Variants in KNDC1 observed in about 807,000 individuals in gnomAD.
The protein encoded by KNDC1 is kinase non-catalytic C-lobe domain containing 1, also known as kinase non-catalytic C-lobe domain-containing protein 1.
A neutral mutation model predicts 172.8 loss-of-function variants in KNDC1; 106 were observed. The ratio of observed to expected loss-of-function variants is 0.61; its 90% CI spans 0.52 to 0.72. The LOEUF (loss-of-function observed/expected upper bound fraction) is 0.72, where lower values mean the gene tolerates loss of function less well. KNDC1 is among the 30% of genes least tolerant of loss of function. The pLI, the probability that KNDC1 is intolerant of heterozygous loss-of-function variation, is 0.00. For synonymous variants in KNDC1, 1,083 were observed against 1,062.2 expected, an observed-to-expected ratio of 1.02 and a Z score of -0.38; for missense variants, 2,325 against 2,394.5, an observed-to-expected ratio of 0.97 and a Z score of 0.61.
At position 133,211,871 on chromosome 10, in the gene KNDC1, C is replaced by T. The variant is rs1845374889; in HGVS notation, c.4236+13C>T. On this transcript the variant is annotated intron_variant, in intron 23 of 29. Coordinates refer to ENST00000304613, the MANE Select transcript of KNDC1 (RefSeq NM_152643.8). ...CATCTCCAGGAAGGTGGGGTCCTTT[C>T]TCAGGGGAGGTCCTCCCTGGACAGG... The T allele has an allele frequency of 1.1e-5, 17 of 1,599,926 alleles. No homozygotes were observed. The highest frequency in any genetic ancestry group is 1.4e-5 in the Non-Finnish European group (17 of 1,177,128).
Position 133,207,360 on chromosome 10 carries a change from G to C in KNDC1, c.3794+9G>C, listed in dbSNP as rs752510014. ...GCCTACCTGTACTCCAGGTGCGTTG[G>C]GAGAAAAGCTCACCCGGAAAAGGAG... On this transcript the variant is annotated intron_variant, in intron 20 of 29. Transcript: ENST00000304613. 3.0e-5 allele frequency: 48 copies of C among 1,610,854 alleles called. 1 individual carries two copies. In the South Asian group the frequency reaches 5.1e-4, roughly 17 times the overall value.
chr10:133,165,273 T>A (rs1853112043), intron 1 of KNDC1, among the ~76,000 whole-genome samples: 1 of 152,146 alleles, frequency 6.6e-6, no homozygotes, highest in African/African-American at 2.4e-5. Flanking sequence ...GGTGTCCGGC[T>A]TCCCTGAGGG....
Position 133,176,576 on chromosome 10 carries a change from C to T in KNDC1, c.361-6768C>T, listed in dbSNP as rs144692943. On this transcript the variant is annotated intron_variant, in intron 3 of 29. Coordinates refer to ENST00000304613, the MANE Select transcript of KNDC1 (RefSeq NM_152643.8). ...TCAAACCTCTGGTCCATACTTTTGCCTCCACATCTTTGCCCAGGTTGCTCC... is the reference window on the plus strand; with the variant it reads ...TCAAACCTCTGGTCCATACTTTTGCTTCCACATCTTTGCCCAGGTTGCTCC... Among the ~76,000 whole-genome samples the T allele has an allele frequency of 4.0e-3, 605 of 152,302 alleles. 2 individuals carry two copies. The highest frequency in any genetic ancestry group is 0.013 in the African/African-American group (560 of 41,558).
intron 22 of KNDC1, 24 bp downstream of exon 22, chr10:133,211,593 G>A (rs369468687): frequency 2.2e-5 from 36 of 1,606,658 alleles, no homozygotes; most frequent in African/African-American, 2.1e-4. Flanking sequence ...TGAGCTGGGC[G>A]GCCGCACCCG....
At chr10:133,191,957 G>A (rs978554848) in intron 9 of KNDC1, among the ~76,000 whole-genome samples, 21 of 152,196 alleles carry the variant, frequency 1.4e-4, no homozygotes, top group African/African-American at 4.3e-4. Context: ...TCCCTGCAGC[G>A]TGTCCTGCAA....
At chr10:133,219,781 T>G (rs754922785) in intron 28 of KNDC1, among the ~76,000 whole-genome samples, 174 bp from the exon 29 acceptor site, 5 of 152,174 alleles carry the variant, frequency 3.3e-5, no homozygotes, top group Admixed American at 1.3e-4. Context: ...GTGAGCCAAG[T>G]CCAACCATCC....
Position 133,168,471 on chromosome 10 carries a change from G to T in KNDC1, c.360+159G>T, listed in dbSNP as rs115627040. ...CCCGGTTCACTGGGCTATAGGGACGGCCTCTGGGGCACACCCGGCTTCGTC... is the reference window on the plus strand; with the variant it reads ...CCCGGTTCACTGGGCTATAGGGACGTCCTCTGGGGCACACCCGGCTTCGTC... On this transcript the variant is annotated intron_variant, in intron 3 of 29. Transcript: ENST00000304613. 8.6e-3 allele frequency among the ~76,000 whole-genome samples: 1,312 copies of T among 152,252 alleles called. 20 individuals carry two copies. Among genetic ancestry groups the T allele is most frequent in the African/African-American group, 0.03 (1,241 of 41,528 alleles).
chr10:133,203,655 TTAA>T (rs1330405341), intron 17 of KNDC1, among the ~76,000 whole-genome samples: 1 of 152,148 alleles, frequency 6.6e-6, no homozygotes, highest in Non-Finnish European at 1.5e-5. Context: ...TCTCCTGCTG[TTAA>T]AACAAGCGTG....
At position 133,207,316 on chromosome 10, in the gene KNDC1, C is replaced by T. The variant is rs1198223362; in HGVS notation, c.3759C>T (p.Gly1253=). Residue 1253 remains glycine, a synonymous_variant, in exon 20 of 30, where the codon GGC becomes GGT. Transcript: ENST00000304613. The stretch of plus-strand genomic sequence containing the variant: ...AGAAGGCCCGCATCCTGCAGGCCGG[C>T]ACGCCGCTGGGGCTCATGGCCTACC... ...GRQKARILQA[G]TPLGLMAYLY... is the part of the protein sequence containing the mutation. The T allele has an allele frequency of 1.2e-6, 2 of 1,612,682 alleles. No individual in the cohort carries two copies. Among genetic ancestry groups the T allele is most frequent in the African/African-American group, 2.7e-5 (2 of 74,932 alleles).
At chr10:133,181,956 T>G (rs1167252456) in intron 3 of KNDC1, among the ~76,000 whole-genome samples, 1 of 152,192 alleles carries the variant, frequency 6.6e-6, no homozygotes, top group African/African-American at 2.4e-5. Flanking sequence ...TCTGTGACAC[T>G]TTCTGTCTTG....
intron 26 of KNDC1, among the ~76,000 whole-genome samples, chr10:133,217,017 G>A (rs930338178): frequency 3.9e-5 from 6 of 152,266 alleles, no homozygotes. Context: ...GGCGCCGGGG[G>A]CTGGGAGTGG....
At chr10:133,190,339 CACCCTGCACTAAGCACCCTGCACT>C (rs1188214161) in intron 9 of KNDC1, among the ~76,000 whole-genome samples, 1 of 59,494 alleles carries the variant, frequency 1.7e-5, no homozygotes, top group Non-Finnish European at 5.0e-5. Flanking sequence ...CTGCACTAAA[CACCCTGCACTAAGCACCCTGCACT>C]AAACAAACAC....
intron 23 of KNDC1, 131 bp downstream of exon 23, chr10:133,211,989 A>ACACGTCTATGTGTATGCATG: frequency 1.2e-6 from 1 of 823,034 alleles, no homozygotes; most frequent in Non-Finnish European, 1.9e-6. Context: ...GTATACATGC[A>ACACGTCTATGTGTATGCATG]TACACATAGA....
rs903406909 is a variant in KNDC1 at position 133,226,018 on chromosome 10, T to C, written c.*1128T>C. 9 of 152,254 alleles carry C rather than the reference T, an allele frequency of 5.9e-5. 1 individual carries two copies. The highest frequency in any genetic ancestry group is 4.1e-4 in the South Asian group (2 of 4,834). 9.4% of individuals were successfully genotyped at this position (152,254 alleles called of 1,614,324 possible). ...GACCCAGGGTTGTGCTTTTGAGTTTTAGAATTAGTCATTCTTTAGAGCAGC... is the reference window on the plus strand; with the variant it reads ...GACCCAGGGTTGTGCTTTTGAGTTTCAGAATTAGTCATTCTTTAGAGCAGC... On this transcript the variant is annotated 3_prime_UTR_variant, in exon 30 of 30. Transcript: ENST00000304613.
At chr10:133,174,504 C>A (rs1853469514) in intron 3 of KNDC1, among the ~76,000 whole-genome samples, 1 of 152,150 alleles carries the variant, frequency 6.6e-6, no homozygotes, top group African/African-American at 2.4e-5. Context: ...CAATAACTAA[C>A]CAGAAGGTTA....
At chr10:133,199,311 A>G in intron 14 of KNDC1, 45 bp downstream of exon 14, 1 of 1,543,150 alleles carries the variant, frequency 6.5e-7, no homozygotes, top group Non-Finnish European at 8.7e-7. Context: ...CGGGCCAGGG[A>G]GAGCCCCACA....
At chr10:133,181,590 G>A (rs998762323) in intron 3 of KNDC1, among the ~76,000 whole-genome samples, 1 of 152,212 alleles carries the variant, frequency 6.6e-6, no homozygotes, top group South Asian at 2.1e-4. Flanking sequence ...CAGGGTGCAG[G>A]AGGGAGAGGG....
chr10:133,222,093 C>T (rs1354382622), intron 29 of KNDC1, among the ~76,000 whole-genome samples: 1 of 149,938 alleles, frequency 6.7e-6, no homozygotes, highest in Non-Finnish European at 1.5e-5. Flanking sequence ...ACCAGCCTGG[C>T]CAACATGGTG....
chr10:133,193,464 G>A (rs1854112426), intron 9 of KNDC1, among the ~76,000 whole-genome samples: 1 of 152,188 alleles, frequency 6.6e-6, no homozygotes, highest in African/African-American at 2.4e-5. Context: ...GGTGGAGGCT[G>A]CAGTGAGCCC....
Sources: gnomAD v4.1 joint callset for allele counts (sites outside exome capture counted in the v4.1 genomes callset) on GRCh38, gnomAD v4.1.1 for gene constraint, MANE v1.5 for transcripts, NCBI Gene and HGNC (gene_info 2026-07-23, HGNC 2026-07-21) for gene names.